The following MAP3K20 variants were observed in gnomAD, a reference collection of about 807,000 sequenced individuals.
The protein encoded by MAP3K20 is mitogen-activated protein kinase kinase kinase 20, also known as HCCS-4.
Under a neutral mutation model 85.7 loss-of-function variants are expected in MAP3K20, and 40 were observed. The ratio of observed to expected loss-of-function variants is 0.47; its 90% confidence interval spans 0.36 to 0.61. The LOEUF (loss-of-function observed/expected upper bound fraction) is 0.61. Among genes scored for constraint, MAP3K20 ranks in the 20% least tolerant of loss-of-function variants. The pLI, the probability that MAP3K20 is intolerant of heterozygous loss-of-function variation, is 0.00. For missense variants in MAP3K20, 817 were observed against 961.7 expected, an observed-to-expected ratio of 0.85 and a Z score of 1.99; for synonymous variants, 325 against 327.7, an observed-to-expected ratio of 0.99 and a Z score of 0.09.
chr2:173,098,695 C>T (rs144463380), intron 2 of MAP3K20, among the ~76,000 whole-genome samples: 7 of 152,284 alleles, frequency 4.6e-5, no homozygotes, highest in African/African-American at 1.7e-4. Context: ...TCTCCACATG[C>T]CTAGTCTCTT....
intron 5 of MAP3K20, among the ~76,000 whole-genome samples, chr2:173,188,623 G>A (rs951668340): frequency 2.0e-5 from 3 of 151,912 alleles, no homozygotes; most frequent in Non-Finnish European, 4.4e-5. Context: ...TGTTTAGCAG[G>A]GGGTGAAGGG....
At chr2:173,196,155 G>T (rs1181013145) in intron 7 of MAP3K20, among the ~76,000 whole-genome samples, 1 of 152,150 alleles carries the variant, frequency 6.6e-6, no homozygotes, top group Non-Finnish European at 1.5e-5. Flanking sequence ...GGTCTGGAGC[G>T]TTTGATTTAT....
chr2:173,207,249 T>G (rs1683719784), intron 9 of MAP3K20, among the ~76,000 whole-genome samples: 1 of 152,162 alleles, frequency 6.6e-6, no homozygotes, highest in Non-Finnish European at 1.5e-5. Context: ...TCCTAGCACT[T>G]TGGGAGGCCA....
intron 4 of MAP3K20, among the ~76,000 whole-genome samples, chr2:173,187,226 C>T (rs536252833): frequency 2.0e-5 from 3 of 152,270 alleles, no homozygotes; most frequent in African/African-American, 7.2e-5. Flanking sequence ...TAGTTGGTAG[C>T]GGAATACCTT....
chr2:173,266,689 C>G lies in MAP3K20; in HGVS notation c.2342C>G (p.Ser781Cys), dbSNP rs202237846. Residue 781 changes from serine (S) to cysteine (C), a missense_variant, in exon 20 of 20, where the codon TCT (serine) becomes TGT (cysteine). Physicochemically the swap from Ser to Cys is moderately radical, Grantham distance 112 (BLOSUM62 -1). This residue lies in a region of MAP3K20 where 454 missense variants were observed against 476.9 expected (regional missense o/e 0.95). Transcript: ENST00000375213. ...VEYRKKPHRP[S>C]PAKTNKERAR... ...TACCGGAAAAAGCCCCACAGGCCAT[C>G]TCCCGCCAAAACCAATAAAGAGAGA... 2.5e-6 allele frequency: 4 copies of G among 1,598,454 alleles called. No individual in the cohort carries two copies. The highest frequency in any genetic ancestry group is 1.3e-5 in the African/African-American group (1 of 74,132).
intron 16 of MAP3K20, among the ~76,000 whole-genome samples, chr2:173,252,923 T>C (rs1018796646): frequency 6.6e-6 from 1 of 152,262 alleles, no homozygotes; most frequent in African/African-American, 2.4e-5. Context: ...ATTGGTGTTA[T>C]ATGATCCATC....
chr2:173,152,644 A>G (rs574296146), intron 2 of MAP3K20, among the ~76,000 whole-genome samples: 11 of 152,304 alleles, frequency 7.2e-5, no homozygotes, highest in Non-Finnish European at 1.5e-4. Context: ...ACCCCGCTGA[A>G]TCTTCAAGCA....
intron 2 of MAP3K20, among the ~76,000 whole-genome samples, chr2:173,149,515 T>TTA (rs1553571022): frequency 7.9e-5 from 12 of 151,758 alleles, no homozygotes; most frequent in South Asian, 2.1e-4. Flanking sequence ...TATTTTTTTT[T>TTA]AAAAAAAACC....
At chr2:173,242,702 T>TC (rs1287041970) in intron 16 of MAP3K20, among the ~76,000 whole-genome samples, 20 of 134,992 alleles carry the variant, frequency 1.5e-4, no homozygotes, top group East Asian at 4.1e-4. Flanking sequence ...AATCTTTCTT[T>TC]TTTTTTTTTT....
intron 16 of MAP3K20, among the ~76,000 whole-genome samples, chr2:173,251,935 G>A (rs1315212255): frequency 1.3e-5 from 2 of 152,090 alleles, no homozygotes; most frequent in Non-Finnish European, 1.5e-5. Flanking sequence ...TTGTTTAATG[G>A]TTTTATGTAT....
chr2:173,128,225 T>G (rs1190182835), intron 2 of MAP3K20, among the ~76,000 whole-genome samples: 1 of 152,226 alleles, frequency 6.6e-6, no homozygotes, highest in Non-Finnish European at 1.5e-5. Flanking sequence ...GTTTTCTAAT[T>G]GCAGTTTCCA....
At chr2:173,147,772 A>C (rs1214399472) in intron 2 of MAP3K20, among the ~76,000 whole-genome samples, 2 of 152,046 alleles carry the variant, frequency 1.3e-5, no homozygotes, top group Non-Finnish European at 2.9e-5. Context: ...TTTTTAGTAG[A>C]GACAGGGTTT....
chr2:173,222,933 TAAATTAGA>T, intron 11 of MAP3K20: 1 of 985,324 alleles, frequency 1.0e-6, no homozygotes, highest in Non-Finnish European at 1.2e-6. Flanking sequence ...TTTTTCAAAC[TAAATTAGA>T]AAGGAGTGTC....
chr2:173,257,958 CAT>C (rs1279486090), intron 16 of MAP3K20, among the ~76,000 whole-genome samples: 2 of 152,110 alleles, frequency 1.3e-5, no homozygotes, highest in East Asian at 3.9e-4. Flanking sequence ...ATTTAATTAA[CAT>C]ACTATCGTTT....
chr2:173,253,288 A>T (rs17691660), intron 16 of MAP3K20, among the ~76,000 whole-genome samples: 5 of 152,258 alleles, frequency 3.3e-5, no homozygotes, highest in Admixed American at 2.0e-4. Flanking sequence ...TGAGCTCCTA[A>T]TTCGGTTCTG....
In MAP3K20 at chr2:173,216,735, A is replaced by G. The variant is rs566898925; in HGVS notation, c.852-380A>G. Reference sequence around the variant, plus strand: ...ACCTGAATATCATTTTCCCACCTATACTATGAGATTAATACCTGTTTCTTG... The same window carrying G: ...ACCTGAATATCATTTTCCCACCTATGCTATGAGATTAATACCTGTTTCTTG... On this transcript the variant is annotated intron_variant, in intron 10 of 19. Transcript: ENST00000375213. Among the ~76,000 whole-genome samples, 26 of 152,112 alleles carry G rather than the reference A, an allele frequency of 1.7e-4. No homozygotes were observed. In the South Asian group the frequency reaches 4.5e-3, roughly 26 times the overall value.
At chr2:173,178,851 G>A (rs549366079) in intron 3 of MAP3K20, among the ~76,000 whole-genome samples, 19 of 151,966 alleles carry the variant, frequency 1.3e-4, no homozygotes, top group Non-Finnish European at 2.5e-4. Context: ...ATAAGAAAGC[G>A]ACAGACCAAT....
intron 12 of MAP3K20, 96 bp downstream of exon 12, chr2:173,229,829 T>C (rs1206714766): frequency 2.2e-6 from 3 of 1,366,174 alleles, no homozygotes; most frequent in Non-Finnish European, 3.1e-6. Flanking sequence ...CTTAGGAAAG[T>C]CTAACTAGGA....
At chr2:173,090,894 G>A in intron 1 of MAP3K20, 104 bp from the exon 2 acceptor site, 2 of 1,376,424 alleles carry the variant, frequency 1.5e-6, no homozygotes, top group Non-Finnish European at 1.9e-6. Context: ...TGACTTTCTG[G>A]AAGTTTCACA....
Sources: allele counts gnomAD v4.1 joint callset (sites outside exome capture counted in the v4.1 genomes callset), GRCh38; gene constraint gnomAD v4.1.1; regional missense constraint gnomAD v4.1.1; transcripts MANE v1.5; gene names NCBI Gene and HGNC (gene_info 2026-07-23, HGNC 2026-07-21).